The following EDIL3 variants were observed in gnomAD, a reference collection of about 807,000 sequenced individuals.
EDIL3 encodes EGF-like repeat and discoidin I-like domain-containing protein 3.
Under a neutral mutation model 67.4 loss-of-function variants are expected in EDIL3, and 37 were observed. The observed-to-expected ratio is 0.55, with a 90% CI of 0.42 to 0.72. The LOEUF is 0.72. Ranked by LOEUF, EDIL3 falls within the 30% of genes least tolerant of loss-of-function variation. The pLI, the probability that EDIL3 is intolerant of heterozygous loss-of-function variation, is 0.00. For synonymous variants in EDIL3, 195 were observed against 196.3 expected (o/e 0.99, Z 0.05); for missense variants, 527 against 586.3 (o/e 0.90, Z 1.04).
At chr5:83,975,633 A>T (rs1333622978) in intron 9 of EDIL3, among the ~76,000 whole-genome samples, 1 of 151,918 alleles carries the variant, frequency 6.6e-6, no homozygotes, top group Non-Finnish European at 1.5e-5. Context: ...AATTTGAAAA[A>T]AATCAGATGT....
intron 9 of EDIL3, among the ~76,000 whole-genome samples, chr5:84,044,045 C>G (rs919737184): frequency 6.6e-6 from 1 of 152,104 alleles, no homozygotes. Context: ...TGTCCTAATG[C>G]TATCCCTCTC....
intron 9 of EDIL3, among the ~76,000 whole-genome samples, chr5:84,035,783 G>A (rs1746012236): frequency 6.6e-6 from 1 of 152,106 alleles, no homozygotes. Context: ...TTAGGTTTCT[G>A]CTCAAATATC....
chr5:84,033,764 A>C (rs1056409399), intron 9 of EDIL3, among the ~76,000 whole-genome samples: 2 of 152,160 alleles, frequency 1.3e-5, no homozygotes, highest in Non-Finnish European at 1.5e-5. Flanking sequence ...AATTCAAAGA[A>C]TCTGGTGTGT....
At chr5:84,077,564 T>A (rs1746884398) in intron 6 of EDIL3, among the ~76,000 whole-genome samples, 1 of 152,040 alleles carries the variant, frequency 6.6e-6, no homozygotes, top group South Asian at 2.1e-4. Context: ...GATCTGCCCT[T>A]TATAAAACCA....
At chr5:84,330,328 TA>T (rs1453335379) in intron 1 of EDIL3, among the ~76,000 whole-genome samples, 1 of 152,102 alleles carries the variant, frequency 6.6e-6, no homozygotes, top group Non-Finnish European at 1.5e-5. Flanking sequence ...TAGGTGACAA[TA>T]AAAACAGAAA....
At chr5:84,299,299 C>T (rs1746108908) in intron 1 of EDIL3, among the ~76,000 whole-genome samples, 1 of 152,074 alleles carries the variant, frequency 6.6e-6, no homozygotes, top group African/African-American at 2.4e-5. Flanking sequence ...ACCTAAAGAG[C>T]AGAATGGGAG....
intron 3 of EDIL3, among the ~76,000 whole-genome samples, chr5:84,191,877 C>T (rs1743593184): frequency 2.0e-5 from 3 of 151,968 alleles, no homozygotes; most frequent in Non-Finnish European, 2.9e-5. Context: ...TCTACTGTCT[C>T]ATTATGTGTA....
intron 1 of EDIL3, among the ~76,000 whole-genome samples, chr5:84,324,906 A>G (rs1461046703): frequency 6.8e-6 from 1 of 146,634 alleles, no homozygotes; most frequent in African/African-American, 2.5e-5. Flanking sequence ...AGATTTAATC[A>G]GGAGTCAAAA....
At chr5:84,158,046 T>C (rs539898241) in intron 4 of EDIL3, among the ~76,000 whole-genome samples, 1 of 152,178 alleles carries the variant, frequency 6.6e-6, no homozygotes, top group African/African-American at 2.4e-5. Flanking sequence ...TAAAATAGCA[T>C]ACAGACAAAA....
At chr5:84,135,375 C>T (rs1360449001) in intron 5 of EDIL3, among the ~76,000 whole-genome samples, 1 of 152,102 alleles carries the variant, frequency 6.6e-6, no homozygotes. Context: ...TAATCTATGC[C>T]GAAGTTCCTT....
chr5:84,293,801 G>C (rs1745976419), intron 1 of EDIL3, among the ~76,000 whole-genome samples: 1 of 150,366 alleles, frequency 6.7e-6, no homozygotes, highest in African/African-American at 2.5e-5. Flanking sequence ...TTGACCAAAT[G>C]ATGTTATATG....
intron 2 of EDIL3, among the ~76,000 whole-genome samples, chr5:84,238,830 C>T (rs913590759): frequency 6.6e-6 from 1 of 151,750 alleles, no homozygotes; most frequent in African/African-American, 2.4e-5. Flanking sequence ...TTAAAGAACT[C>T]AACTGATAAA....
chr5:83,961,080 A>G (rs1744598841), intron 10 of EDIL3, among the ~76,000 whole-genome samples: 1 of 151,118 alleles, frequency 6.6e-6, no homozygotes, highest in Admixed American at 6.6e-5. Context: ...ATCGATATCT[A>G]TTAATATCAC....
intron 9 of EDIL3, among the ~76,000 whole-genome samples, chr5:83,964,018 T>A (rs1744648606): frequency 6.6e-6 from 1 of 151,782 alleles, no homozygotes; most frequent in Non-Finnish European, 1.5e-5. Context: ...ATATATGCAT[T>A]CCTGACTTGT....
chr5:84,085,523 G>C (rs1234800818), intron 6 of EDIL3, among the ~76,000 whole-genome samples: 1 of 152,212 alleles, frequency 6.6e-6, no homozygotes, highest in Non-Finnish European at 1.5e-5. Context: ...GAACAGCAAA[G>C]ACTGCTGCCT....
chr5:84,268,787 A>G (rs1745402016), intron 1 of EDIL3, among the ~76,000 whole-genome samples: 2 of 152,190 alleles, frequency 1.3e-5, no homozygotes, highest in South Asian at 4.1e-4. Context: ...TATAAAATTC[A>G]ATACATCTTT....
At chr5:84,062,418 A>G (rs1000279150) in intron 8 of EDIL3, among the ~76,000 whole-genome samples, 3 of 152,124 alleles carry the variant, frequency 2.0e-5, no homozygotes, top group Admixed American at 6.6e-5. Flanking sequence ...CTTTTGTGAT[A>G]TAACATAGTA....
At chr5:84,113,140 C>G (rs147852993) in intron 5 of EDIL3, among the ~76,000 whole-genome samples, 1 of 152,122 alleles carries the variant, frequency 6.6e-6, no homozygotes. Context: ...ATTGTTACCT[C>G]TAGAGAGGGC....
chr5:83,973,261 G>T (rs1199402826), intron 9 of EDIL3, among the ~76,000 whole-genome samples: 1 of 151,988 alleles, frequency 6.6e-6, no homozygotes, highest in Non-Finnish European at 1.5e-5. Flanking sequence ...AATTGATAGG[G>T]TCATTATTAA....
Sources: allele counts gnomAD v4.1 joint callset (sites outside exome capture counted in the v4.1 genomes callset), GRCh38; gene constraint gnomAD v4.1.1; transcripts MANE v1.5; gene names NCBI Gene and HGNC (gene_info 2026-07-23, HGNC 2026-07-21).